CROT: variants seen among roughly 807,000 people sequenced by gnomAD.
CROT encodes the protein carnitine O-octanoyltransferase, also known as peroxisomal carnitine O-octanoyltransferase.
Under a neutral mutation model 89.2 loss-of-function variants are expected in CROT, and 84 were observed. That is an observed-to-expected ratio of 0.94 (90% CI 0.79 to 1.13). The LOEUF (loss-of-function observed/expected upper bound fraction) is 1.13, where lower values mean the gene tolerates loss of function less well. Among genes scored for constraint, CROT ranks in the 50% most tolerant of loss-of-function variants. The probability of loss-of-function intolerance (pLI) is 0.00; values close to 1 mark genes in which losing one functional copy is unlikely to be tolerated. For synonymous variants in CROT, 212 were observed against 239.5 expected, an observed-to-expected ratio of 0.89 and a Z score of 1.06; for missense variants, 711 against 727.8, an observed-to-expected ratio of 0.98 and a Z score of 0.27.
chr7:87,348,928 A>G (rs551460924), intron 2 of CROT, 120 bp from the exon 3 acceptor site: 15 of 462,044 alleles, frequency 3.2e-5, no homozygotes, highest in Non-Finnish European at 5.1e-5. Flanking sequence ...AAAAGCTGGT[A>G]CCAAGTCCTA....
chr7:87,394,884 G>A (rs1218643564), intron 17 of CROT, among the ~76,000 whole-genome samples: 3 of 152,078 alleles, frequency 2.0e-5, no homozygotes, highest in African/African-American at 2.4e-5. Flanking sequence ...AACAGGAGAA[G>A]TAGAGGCAGC....
Position 87,392,937 on chromosome 7 carries a change from G to T in CROT, c.1599-11G>T. ...AGGCCTAGTAAAATGTTCTTTTATT[G>T]TGCCACACAGCGGAGGAGGTGGAAA... On this transcript the variant is annotated splice_polypyrimidine_tract_variant and intron_variant, in intron 16 of 17. Coordinates refer to ENST00000331536, the MANE Select transcript of CROT (RefSeq NM_021151.4). 1 of 1,613,280 alleles carries T rather than the reference G, an allele frequency of 6.2e-7. No individual in the cohort carries two copies. The highest frequency in any genetic ancestry group is 8.5e-7 in the Non-Finnish European group (1 of 1,179,588).
chr7:87,350,163 G>A (rs549890212), intron 3 of CROT, among the ~76,000 whole-genome samples: 87 of 152,130 alleles, frequency 5.7e-4, no homozygotes, highest in Non-Finnish European at 8.7e-4. Context: ...AAACTATGCT[G>A]TTATGGGGTC....
At chr7:87,386,707 A>G (rs1004927496) in intron 13 of CROT, among the ~76,000 whole-genome samples, 7 of 152,124 alleles carry the variant, frequency 4.6e-5, no homozygotes, top group Non-Finnish European at 8.8e-5. Flanking sequence ...CTAGGGCTTT[A>G]TAGCCTCATG....
At chr7:87,362,889 T>G (rs1806327988) in intron 6 of CROT, among the ~76,000 whole-genome samples, 1 of 152,214 alleles carries the variant, frequency 6.6e-6, no homozygotes, top group Non-Finnish European at 1.5e-5. Context: ...CTTTGTAAAC[T>G]TCTTTACATG....
At chr7:87,371,406 G>A (rs1360981190) in intron 7 of CROT, among the ~76,000 whole-genome samples, 1 of 152,010 alleles carries the variant, frequency 6.6e-6, no homozygotes, top group Admixed American at 6.5e-5. Context: ...TCCATCAAAT[G>A]GATATATTAT....
At chr7:87,391,543 G>A in intron 13 of CROT, 46 bp from the exon 14 acceptor site, 1 of 1,556,182 alleles carries the variant, frequency 6.4e-7, no homozygotes, top group Non-Finnish European at 8.7e-7. Flanking sequence ...AATGATATTA[G>A]AGCATTTTCT....
intron 6 of CROT, among the ~76,000 whole-genome samples, chr7:87,363,923 A>G (rs543261609): frequency 6.6e-6 from 1 of 152,334 alleles, no homozygotes; most frequent in East Asian, 1.9e-4. Context: ...GAATATTCAT[A>G]TATTGGTTGT....
chr7:87,351,499 C>T (rs1250489249), intron 3 of CROT, among the ~76,000 whole-genome samples: 1 of 152,052 alleles, frequency 6.6e-6, no homozygotes, highest in Non-Finnish European at 1.5e-5. Context: ...AGTTTGTGCC[C>T]ATTCTGTAAA....
chr7:87,382,288 T>C, intron 12 of CROT, 107 bp downstream of exon 12: 1 of 1,411,798 alleles, frequency 7.1e-7, no homozygotes, highest in Non-Finnish European at 9.8e-7. Context: ...ATTTTAAAAT[T>C]ATGCCTTTAA....
At chr7:87,387,551 C>T (rs892688657) in intron 13 of CROT, among the ~76,000 whole-genome samples, 1 of 151,756 alleles carries the variant, frequency 6.6e-6, no homozygotes, top group African/African-American at 2.4e-5. Context: ...AGTGTGTGAC[C>T]AGAAGTCTTA....
intron 3 of CROT, among the ~76,000 whole-genome samples, chr7:87,353,486 G>T (rs1805946271): frequency 6.6e-6 from 1 of 151,994 alleles, no homozygotes; most frequent in Non-Finnish European, 1.5e-5. Context: ...TAATTATCAG[G>T]GTGGAGGTGG....
In CROT at chr7:87,361,755, A is replaced by G; in HGVS notation, c.450A>G (p.Gly150=). 6.3e-7 allele frequency: 1 copy of G among 1,597,532 alleles called. No homozygotes were observed. Among genetic ancestry groups the G allele is most frequent in the Non-Finnish European group, 8.5e-7 (1 of 1,174,530 alleles). The change falls in exon 6 of 18, where the codon GGA becomes GGG. Residue 150 remains glycine (G), a synonymous_variant. Coordinates refer to ENST00000331536, the MANE Select transcript of CROT (RefSeq NM_021151.4). Reference sequence around the variant, plus strand: ...AAAAAGTGCCTGTTCATAAAGTTGGAAATACTCCTCTAGATATGAATCAAT... The same window carrying G: ...AAAAAGTGCCTGTTCATAAAGTTGGGAATACTCCTCTAGATATGAATCAAT... ...RKEKVPVHKV[G]NTPLDMNQFR...
intron 17 of CROT, among the ~76,000 whole-genome samples, chr7:87,393,966 TA>T (rs1807446672): frequency 6.6e-6 from 1 of 152,148 alleles, no homozygotes; most frequent in Non-Finnish European, 1.5e-5. Flanking sequence ...CATGAATGCA[TA>T]AAATATATAC....
intron 6 of CROT, 30 bp downstream of exon 6, chr7:87,361,882 T>C (rs1806287800): frequency 1.3e-6 from 2 of 1,549,736 alleles, no homozygotes; most frequent in East Asian, 2.3e-5. Context: ...TCGTTTTTAG[T>C]AAAGGCACTG....
chr7:87,376,367 T>C (rs1301273738), intron 9 of CROT, among the ~76,000 whole-genome samples: 3 of 152,106 alleles, frequency 2.0e-5, no homozygotes, highest in Non-Finnish European at 2.9e-5. Context: ...AAGAATTATG[T>C]CACCCTTGTA....
chr7:87,358,423 A>G (rs1806162172), intron 3 of CROT, among the ~76,000 whole-genome samples: 2 of 141,928 alleles, frequency 1.4e-5, no homozygotes, highest in Admixed American at 1.6e-4. Context: ...CGGAGCTTGC[A>G]GTGAGCTGAG....
chr7:87,356,488 T>C (rs1021062713), intron 3 of CROT, among the ~76,000 whole-genome samples: 1 of 152,194 alleles, frequency 6.6e-6, no homozygotes, highest in African/African-American at 2.4e-5. Flanking sequence ...TTTATTTCAA[T>C]ACTAGTAGAC....
At chr7:87,372,140 A>T (rs1003649247) in intron 7 of CROT, among the ~76,000 whole-genome samples, 1 of 151,406 alleles carries the variant, frequency 6.6e-6, no homozygotes, top group Non-Finnish European at 1.5e-5. Flanking sequence ...TATGCCATTT[A>T]TTTGTGTTTT....
Sources: allele counts gnomAD v4.1 joint callset (sites outside exome capture counted in the v4.1 genomes callset), GRCh38; gene constraint gnomAD v4.1.1; transcripts MANE v1.5; gene names NCBI Gene and HGNC (gene_info 2026-07-23, HGNC 2026-07-21).